KHDRBS2: variants seen among roughly 807,000 people sequenced by gnomAD.
KHDRBS2 encodes the protein KH RNA binding domain containing, signal transduction associated 2, also known as KH domain-containing, RNA-binding, signal transduction-associated protein 2.
In KHDRBS2, 26 loss-of-function variants were observed where a neutral mutation model predicts 44.3. That is an observed-to-expected ratio of 0.59 (90% CI 0.43 to 0.81). The LOEUF is 0.81. Ranked by LOEUF, KHDRBS2 falls within the 40% of genes least tolerant of loss-of-function variation. The probability of loss-of-function intolerance (pLI) is 0.00; values close to 1 mark genes in which losing one functional copy is unlikely to be tolerated. For synonymous variants in KHDRBS2, 194 were observed against 151.1 expected, an observed-to-expected ratio of 1.28 and a Z score of -2.08; for missense variants, 476 against 433.1, an observed-to-expected ratio of 1.10 and a Z score of -0.88.
intron 3 of KHDRBS2, among the ~76,000 whole-genome samples, chr6:61,990,459 A>T (rs546703253): frequency 6.6e-6 from 1 of 152,302 alleles, no homozygotes; most frequent in South Asian, 2.1e-4. Context: ...AATTGGAAAG[A>T]CTCACAGGGT....
the KHDRBS2 span, among the ~76,000 whole-genome samples, chr6:61,556,121 G>A: frequency 6.6e-6 from 1 of 152,214 alleles, no homozygotes; most frequent in Admixed American, 6.5e-5. Flanking sequence ...GCAGGATGGA[G>A]GAGGGAGACA....
chr6:61,718,942 A>C (rs1165771347), intron 7 of KHDRBS2, among the ~76,000 whole-genome samples: 1 of 152,144 alleles, frequency 6.6e-6, no homozygotes, highest in Non-Finnish European at 1.5e-5. Flanking sequence ...TATTCAAAAA[A>C]GGTTTTCATT....
At chr6:61,920,740 A>G (rs16900631) in intron 4 of KHDRBS2, among the ~76,000 whole-genome samples, 10,594 of 152,000 alleles carry the variant, frequency 0.07, 424 homozygotes, top group Middle Eastern at 0.14. Flanking sequence ...GTCCTAAAAA[A>G]GTGCAGTCAG....
chr6:62,227,431 G>T (rs183230670), intron 1 of KHDRBS2, among the ~76,000 whole-genome samples: 1 of 152,108 alleles, frequency 6.6e-6, no homozygotes, highest in South Asian at 2.1e-4. Flanking sequence ...GGGCTGAGAC[G>T]ATGGGGTTTT....
intron 6 of KHDRBS2, among the ~76,000 whole-genome samples, chr6:61,794,153 C>T (rs1252118619): frequency 6.6e-6 from 1 of 152,120 alleles, no homozygotes; most frequent in Admixed American, 6.6e-5. Context: ...TATAGTACAA[C>T]ATTAATAAAA....
At chr6:61,597,773 T>TATATATATATATATATATACATACAC in the KHDRBS2 span, among the ~76,000 whole-genome samples, 1 of 42,324 alleles carries the variant, frequency 2.4e-5, no homozygotes, top group Non-Finnish European at 4.8e-5. Flanking sequence ...TATATATATA[T>TATATATATATATATATATACATACAC]ACACCAAGAT....
intron 1 of KHDRBS2, among the ~76,000 whole-genome samples, chr6:62,269,410 T>A (rs1839721871): frequency 1.3e-5 from 2 of 152,078 alleles, no homozygotes; most frequent in East Asian, 1.9e-4. Flanking sequence ...CAATTAAAAA[T>A]TTTTCTCAGC....
chr6:61,566,880 T>C, the KHDRBS2 span, among the ~76,000 whole-genome samples: 1 of 152,084 alleles, frequency 6.6e-6, no homozygotes, highest in African/African-American at 2.4e-5. Flanking sequence ...AAAAATTACA[T>C]CAAACCAGCT....
At chr6:61,805,935 G>C (rs924536438) in intron 6 of KHDRBS2, among the ~76,000 whole-genome samples, 1 of 152,148 alleles carries the variant, frequency 6.6e-6, no homozygotes, top group Non-Finnish European at 1.5e-5. Context: ...GGAACATAGA[G>C]GCAGTATGGA....
intron 6 of KHDRBS2, among the ~76,000 whole-genome samples, chr6:61,784,952 T>C (rs1783550296): frequency 6.6e-6 from 1 of 151,956 alleles, no homozygotes; most frequent in Non-Finnish European, 1.5e-5. Context: ...AGTTTGAAAC[T>C]AGCCTGGGCA....
intron 4 of KHDRBS2, among the ~76,000 whole-genome samples, chr6:61,939,388 G>A (rs560349738): frequency 3.3e-5 from 5 of 151,880 alleles, no homozygotes; most frequent in Non-Finnish European, 7.4e-5. Context: ...TTATTTTTAT[G>A]GTTATTTTTA....
chr6:62,094,153 C>G (rs1800077197), intron 2 of KHDRBS2, among the ~76,000 whole-genome samples: 1 of 151,832 alleles, frequency 6.6e-6, no homozygotes, highest in South Asian at 2.1e-4. Context: ...TCCAATTCCA[C>G]CAGTAGTGTG....
intron 2 of KHDRBS2, among the ~76,000 whole-genome samples, chr6:62,054,033 T>C (rs562050245): frequency 5.7e-4 from 86 of 152,166 alleles, no homozygotes; most frequent in Admixed American, 9.8e-4. Context: ...ATGTATAAAA[T>C]ACATTTTGTT....
At chr6:62,118,404 G>C (rs773776827) in intron 2 of KHDRBS2, among the ~76,000 whole-genome samples, 12 of 151,948 alleles carry the variant, frequency 7.9e-5, no homozygotes, top group Non-Finnish European at 1.6e-4. Flanking sequence ...TACAAATTTG[G>C]GGACTTTTTT....
intron 3 of KHDRBS2, among the ~76,000 whole-genome samples, chr6:62,003,023 A>T (rs547301720): frequency 6.6e-6 from 1 of 152,224 alleles, no homozygotes; most frequent in African/African-American, 2.4e-5. Context: ...ATGTATATAA[A>T]ATCTAATCCC....
At chr6:61,969,002 C>T (rs1045621646) in intron 4 of KHDRBS2, among the ~76,000 whole-genome samples, 5 of 151,880 alleles carry the variant, frequency 3.3e-5, no homozygotes, top group African/African-American at 4.8e-5. Flanking sequence ...ATTTATATTG[C>T]CTTAGAAACC....
intron 1 of KHDRBS2, among the ~76,000 whole-genome samples, chr6:62,259,098 G>A (rs1158689718): frequency 6.6e-6 from 1 of 151,992 alleles, no homozygotes; most frequent in Non-Finnish European, 1.5e-5. Flanking sequence ...AAAGAATTAT[G>A]TCTATTAGAG....
intron 1 of KHDRBS2, among the ~76,000 whole-genome samples, chr6:62,273,731 C>T (rs1840460083): frequency 6.6e-6 from 1 of 152,088 alleles, no homozygotes; most frequent in African/African-American, 2.4e-5. Context: ...CCAGACCCAA[C>T]TCTCCACCTG....
chr6:62,242,697 T>C (rs1462770002), intron 1 of KHDRBS2, among the ~76,000 whole-genome samples: 1 of 152,146 alleles, frequency 6.6e-6, no homozygotes, highest in Non-Finnish European at 1.5e-5. Flanking sequence ...CAGTCTTCAG[T>C]AGCACTGAGG....
Sources: allele counts gnomAD v4.1 joint callset (sites outside exome capture counted in the v4.1 genomes callset), GRCh38; gene constraint gnomAD v4.1.1; transcripts MANE v1.5; gene names NCBI Gene and HGNC (gene_info 2026-07-23, HGNC 2026-07-21).